GATAD2A: variants seen among roughly 807,000 people sequenced by gnomAD.
GATAD2A encodes GATA zinc finger domain containing 2A, also known as transcriptional repressor p66-alpha.
GATAD2A carries 12 observed loss-of-function variants against 68.5 expected under a neutral mutation model. The observed-to-expected ratio is 0.18, with a 90% confidence interval of 0.11 to 0.28. The LOEUF is 0.28. Among genes scored for constraint, GATAD2A ranks in the 10% least tolerant of loss-of-function variants. The probability of loss-of-function intolerance (pLI) is 1.00; values close to 1 mark genes in which losing one functional copy is unlikely to be tolerated. For missense variants in GATAD2A, 755 were observed against 868.5 expected, an observed-to-expected ratio of 0.87 and a Z score of 1.64; for synonymous variants, 410 against 375.3, an observed-to-expected ratio of 1.09 and a Z score of -1.07.
chr19:19,492,327 A>G lies in GATAD2A; in HGVS notation c.291A>G (p.Arg97=), dbSNP rs766605823. The part of the protein sequence containing the change: ...TSHSDMKSER[R]PPSPDVIVLS... ...ACAGTGACATGAAGTCCGAGAGGAG[A>G]CCCCCCTCACCTGACGTGATTGTGC... Residue 97 remains arginine (R), a synonymous_variant, in exon 3 of 12, where the codon AGA becomes AGG. Coordinates refer to ENST00000683918, the MANE Select transcript of GATAD2A (RefSeq NM_001384528.1). 6 of 1,605,994 alleles carry G rather than the reference A, an allele frequency of 3.7e-6. No homozygotes were observed. The South Asian group carries it at 4.5e-5, about 12-fold the overall frequency.
intron 1 of GATAD2A, among the ~76,000 whole-genome samples, chr19:19,412,228 T>C (rs1370586807): frequency 1.3e-5 from 2 of 151,690 alleles, no homozygotes; most frequent in African/African-American, 4.8e-5. Flanking sequence ...CGATCTCAGC[T>C]CACTGCAAGC....
At chr19:19,426,366 C>G (rs2053093803) in intron 1 of GATAD2A, among the ~76,000 whole-genome samples, 1 of 152,170 alleles carries the variant, frequency 6.6e-6, no homozygotes, top group South Asian at 2.1e-4. Context: ...TGGCTTATGG[C>G]TGTGAGACAA....
intron 1 of GATAD2A, among the ~76,000 whole-genome samples, chr19:19,441,278 G>T (rs778589280): frequency 6.6e-6 from 1 of 152,118 alleles, no homozygotes; most frequent in Non-Finnish European, 1.5e-5. Flanking sequence ...AACAATATTA[G>T]CATTATTCCT....
chr19:19,443,465 A>G (rs1347240280), intron 1 of GATAD2A, among the ~76,000 whole-genome samples: 4 of 152,344 alleles, frequency 2.6e-5, no homozygotes, highest in Non-Finnish European at 2.9e-5. Flanking sequence ...CAAAGACGGA[A>G]GATTGTGAAA....
At chr19:19,427,382 C>T (rs1415769179) in intron 1 of GATAD2A, 3 of 141,384 alleles carry the variant, frequency 2.1e-5, no homozygotes, top group Non-Finnish European at 4.5e-5. Context: ...TCAGAATTAG[C>T]TTGGGGACAA....
intron 2 of GATAD2A, among the ~76,000 whole-genome samples, chr19:19,491,725 G>A (rs1012863885): frequency 6.6e-6 from 1 of 152,234 alleles, no homozygotes; most frequent in Non-Finnish European, 1.5e-5. Flanking sequence ...GCAGCCTGTG[G>A]ATACACCCCT....
chr19:19,442,040 T>C (rs1027069277), intron 1 of GATAD2A, among the ~76,000 whole-genome samples: 1 of 151,656 alleles, frequency 6.6e-6, no homozygotes, highest in Non-Finnish European at 1.5e-5. Flanking sequence ...TTTGTATTTT[T>C]AGTAGAGATG....
rs1234132449 is a variant in GATAD2A at position 19,414,835 on chromosome 19, CCCTTTTTTTTT to C, written c.-7+8817_-7+8827del. Among the ~76,000 whole-genome samples the C allele has an allele frequency of 4.6e-4, 61 of 133,528 alleles. No individual in the cohort carries two copies. In the East Asian group the frequency reaches 7.9e-3, roughly 17 times the overall value. 87.6% of individuals were successfully genotyped at this position (133,528 alleles called of 152,430 possible). A position where few individuals can be genotyped will look rare whatever the true frequency, so the allele number is the denominator to read the frequency against. Reference sequence around the variant, plus strand: ...CAGGTGTGAGCCACCACACCCTGCCCCCTTTTTTTTTTTTTTTTTTTTTTTGAGTCCTGAGG... The same window carrying C: ...CAGGTGTGAGCCACCACACCCTGCCCTTTTTTTTTTTTTTGAGTCCTGAGG... On this transcript the variant is annotated intron_variant, in intron 1 of 11. Coordinates refer to ENST00000683918, the MANE Select transcript of GATAD2A (RefSeq NM_001384528.1).
At chr19:19,499,773 C>T (rs949602335) in intron 8 of GATAD2A, among the ~76,000 whole-genome samples, 1 of 152,166 alleles carries the variant, frequency 6.6e-6, no homozygotes, top group African/African-American at 2.4e-5. Context: ...TAACCCACTC[C>T]CTTGCCCCTC....
chr19:19,450,005 G>T (rs2056201198), intron 1 of GATAD2A, among the ~76,000 whole-genome samples: 1 of 148,056 alleles, frequency 6.8e-6, no homozygotes, highest in Admixed American at 6.6e-5. Flanking sequence ...GCCCAGGCTG[G>T]TCTTGAGCTC....
chr19:19,445,085 A>C (rs963737287), intron 1 of GATAD2A, among the ~76,000 whole-genome samples: 10 of 151,786 alleles, frequency 6.6e-5, no homozygotes, highest in Admixed American at 5.3e-4. Context: ...CAGGCATTGG[A>C]TCTTTAGCTG....
intron 2 of GATAD2A, among the ~76,000 whole-genome samples, chr19:19,489,662 C>T (rs776149391): frequency 2.6e-5 from 4 of 152,258 alleles, no homozygotes; most frequent in Admixed American, 6.5e-5. Context: ...CCTCTTCCTT[C>T]AGGCAGGTTT....
intron 1 of GATAD2A, among the ~76,000 whole-genome samples, chr19:19,460,239 C>T (rs771822600): frequency 3.3e-5 from 5 of 152,160 alleles, no homozygotes; most frequent in Non-Finnish European, 7.3e-5. Context: ...GCTATGCTGC[C>T]GGGAGGAGAG....
intron 2 of GATAD2A, among the ~76,000 whole-genome samples, chr19:19,484,025 A>G (rs1443335186): frequency 6.6e-6 from 1 of 151,890 alleles, no homozygotes; most frequent in African/African-American, 2.4e-5. Flanking sequence ...TTGGGAAAGG[A>G]GGGAGGACTG....
At chr19:19,475,220 T>A (rs117857580) in intron 2 of GATAD2A, among the ~76,000 whole-genome samples, 108 of 152,356 alleles carry the variant, frequency 7.1e-4, no homozygotes, top group Non-Finnish European at 1.4e-3. Flanking sequence ...GATGGACTAA[T>A]GTGGCACAGC....
intron 1 of GATAD2A, among the ~76,000 whole-genome samples, chr19:19,420,806 G>C (rs1021376072): frequency 3.3e-5 from 5 of 152,106 alleles, no homozygotes; most frequent in African/African-American, 1.2e-4. Context: ...CCTCGTATGA[G>C]TGTTGGTATG....
intron 1 of GATAD2A, among the ~76,000 whole-genome samples, chr19:19,394,555 C>T (rs937572977): frequency 2.6e-5 from 4 of 151,602 alleles, no homozygotes; most frequent in African/African-American, 9.7e-5. Context: ...AAGCGATTCT[C>T]CTGTCTCAGC....
Position 19,483,396 on chromosome 19 carries a change from A to C in GATAD2A, c.270-8910A>C, listed in dbSNP as rs1340631618. 2.0e-5 allele frequency among the ~76,000 whole-genome samples: 3 copies of C among 152,304 alleles called. No homozygotes were observed. In the South Asian group the frequency reaches 6.2e-4, roughly 32 times the overall value. ...ACGGCCTCTGAGGCAGAGAAGCAGA[A>C]TGTGTTCTGTCTTCCTGGGCCCCAC... On this transcript the variant is annotated intron_variant, in intron 2 of 11. Transcript: ENST00000683918.
At chr19:19,473,143 C>T (rs1050333792) in intron 2 of GATAD2A, among the ~76,000 whole-genome samples, 6 of 152,110 alleles carry the variant, frequency 3.9e-5, no homozygotes, top group African/African-American at 7.2e-5. Flanking sequence ...TGGTGTGTGG[C>T]GTTCAGGCAG....
Sources: gnomAD v4.1 joint callset for allele counts (sites outside exome capture counted in the v4.1 genomes callset) on GRCh38, gnomAD v4.1.1 for gene constraint, MANE v1.5 for transcripts, NCBI Gene and HGNC (gene_info 2026-07-23, HGNC 2026-07-21) for gene names.